GCKR: variants seen among roughly 807,000 people sequenced by gnomAD.
The protein encoded by GCKR is glucokinase regulatory protein.
GCKR carries 73 observed loss-of-function variants against 82.9 expected under a neutral mutation model. The ratio of observed to expected loss-of-function variants is 0.88; its 90% CI spans 0.73 to 1.07. The LOEUF (loss-of-function observed/expected upper bound fraction) is 1.07. GCKR is among the 50% of genes least tolerant of loss of function. GCKR has a pLI of 0.00. For missense variants in GCKR, 784 were observed against 782.1 expected (o/e 1.00, Z -0.03); for synonymous variants, 294 against 291.8 (o/e 1.01, Z -0.08).
At chr2:27,497,199 G>A in intron 1 of GCKR, 45 bp from the exon 2 acceptor site, 1 of 1,611,994 alleles carries the variant, frequency 6.2e-7, no homozygotes, top group Non-Finnish European at 8.5e-7. Flanking sequence ...AGGCATGAAT[G>A]AGGCTTTGGC....
chr2:27,499,599 C>G, intron 7 of GCKR, 149 bp downstream of exon 7: 1 of 748,032 alleles, frequency 1.3e-6, no homozygotes, highest in Admixed American at 1.9e-5. Context: ...TAACTTGGAT[C>G]AAGTTGTGTG....
chr2:27,521,222 A>G (rs74928908), intron 17 of GCKR, among the ~76,000 whole-genome samples: 22,326 of 152,058 alleles, frequency 0.15, 1,825 homozygotes, highest in East Asian at 0.34. Flanking sequence ...TAAATAAAAT[A>G]TATTATTAAA....
At position 27,515,936 on chromosome 2, in the gene GCKR, C is replaced by CA. The variant is rs200457988; in HGVS notation, c.1423-2848dup. Among the ~76,000 whole-genome samples the CA allele has an allele frequency of 2.8e-4, 38 of 137,746 alleles. No homozygotes were observed. In the South Asian group the frequency reaches 7.7e-3, roughly 28 times the overall value. 90.4% of individuals were successfully genotyped at this position (137,746 alleles called of 152,430 possible). A position where few individuals can be genotyped will look rare whatever the true frequency, so the allele number is the denominator to read the frequency against. On this transcript the variant is annotated intron_variant, in intron 16 of 18. Coordinates refer to ENST00000264717, the MANE Select transcript of GCKR (RefSeq NM_001486.4). ...ATGCCACCATGCCTGGCTAATTAAA[C>CA]AAAATTTTTTTTTTTTTTTTTGTAG...
chr2:27,517,317 T>C (rs1370123377), intron 16 of GCKR, among the ~76,000 whole-genome samples: 1 of 152,144 alleles, frequency 6.6e-6, no homozygotes, highest in African/African-American at 2.4e-5. Context: ...GGGTGATTTA[T>C]AAAGGAAAGA....
At chr2:27,498,379 G>A in intron 4 of GCKR, 56 bp downstream of exon 4, 1 of 1,326,708 alleles carries the variant, frequency 7.5e-7, no homozygotes, top group Non-Finnish European at 1.1e-6. Context: ...GTGACCCTCA[G>A]GACCATAAAG....
At chr2:27,515,582 C>T (rs1669982295) in intron 16 of GCKR, among the ~76,000 whole-genome samples, 1 of 152,068 alleles carries the variant, frequency 6.6e-6, no homozygotes, top group Non-Finnish European at 1.5e-5. Flanking sequence ...TTTCTAACAT[C>T]TAAATTGTAA....
chr2:27,504,951 C>T (rs1255718057), intron 9 of GCKR, among the ~76,000 whole-genome samples: 2 of 151,706 alleles, frequency 1.3e-5, no homozygotes, highest in Non-Finnish European at 2.9e-5. Flanking sequence ...CATGGTGAAA[C>T]CACGTCTCTA....
At chr2:27,517,013 C>CTTTTTTT (rs10549495) in intron 16 of GCKR, among the ~76,000 whole-genome samples, 1 of 135,100 alleles carries the variant, frequency 7.4e-6, no homozygotes, top group African/African-American at 2.7e-5. Flanking sequence ...GTATTAGTAC[C>CTTTTTTT]TTTTTTTTTT....
chr2:27,512,235 CAAAAA>C lies in GCKR; in HGVS notation c.1422+4001_1422+4005del, dbSNP rs60079696. ...GCCTGGGCGACACAAGACTCCATCTCAAAAAAAAAAAAAAAAAAAAAGCCGGGCGT... is the reference window on the plus strand; with the variant it reads ...GCCTGGGCGACACAAGACTCCATCTCAAAAAAAAAAAAAAAAGCCGGGCGT... On this transcript the variant is annotated intron_variant, in intron 16 of 18. Transcript: ENST00000264717. Among the ~76,000 whole-genome samples the C allele has an allele frequency of 3.5e-4, 16 of 46,218 alleles. No homozygotes were observed. In the South Asian group the frequency reaches 0.019, roughly 54 times the overall value. The allele number at this position is 46,218 out of a possible 152,430, so 30.3% of individuals were successfully genotyped here.
chr2:27,498,175 T>C, intron 3 of GCKR, 80 bp from the exon 4 acceptor site: 1 of 1,076,096 alleles, frequency 9.3e-7, no homozygotes, highest in Non-Finnish European at 1.4e-6. Flanking sequence ...CAATTCCTCT[T>C]GCATTACTGA....
Position 27,523,405 on chromosome 2 carries a change from AC to A in GCKR, c.1849del (p.Leu617SerfsTer4). 1 of 1,609,012 alleles carries A rather than the reference AC, an allele frequency of 6.2e-7. No homozygotes were observed. On this transcript the variant is annotated frameshift_variant, in exon 19 of 19. Transcript: ENST00000264717. LOFTEE classifies it high-confidence loss of function. ...GGGCCAGGTCAGAAGCGCACTGCGG[AC>A]CCCCTCGAGATCCTAGAGCCTGACG... Reference protein sequence around the residue: ...LAGPGQKRTADPLEILEPDVQ With the variant: ...LAGPGQKRTAXPLEILEPDVQ
chr2:27,501,988 G>A (rs1669594504), intron 8 of GCKR, among the ~76,000 whole-genome samples: 1 of 152,200 alleles, frequency 6.6e-6, no homozygotes, highest in Non-Finnish European at 1.5e-5. Flanking sequence ...AGATTCTGAT[G>A]CACAGCCAGG....
intron 9 of GCKR, among the ~76,000 whole-genome samples, chr2:27,504,697 G>A (rs904766303): frequency 6.6e-6 from 1 of 152,072 alleles, no homozygotes; most frequent in East Asian, 1.9e-4. Context: ...TTGTCTGTCT[G>A]GTGTGCTGTG....
chr2:27,507,883 C>T lies in GCKR; in HGVS notation c.1241-94C>T, dbSNP rs148684429. The T allele has an allele frequency of 2.2e-4, 246 of 1,126,750 alleles. 1 individual carries two copies. The East Asian group carries it at 5.1e-3, about 23-fold the overall frequency. The allele number at this position is 1,126,750 out of a possible 1,614,324, so 69.8% of individuals were successfully genotyped here. ...TAGGGTACCTGCTCAGAGGGAGGGA[C>T]GGGGTGAATATCCTGACTGGACCCC... On this transcript the variant is annotated intron_variant, in intron 14 of 18. Coordinates refer to ENST00000264717, the MANE Select transcript of GCKR (RefSeq NM_001486.4).
intron 16 of GCKR, among the ~76,000 whole-genome samples, chr2:27,509,056 G>T (rs980192112): frequency 6.6e-6 from 1 of 152,052 alleles, no homozygotes; most frequent in Non-Finnish European, 1.5e-5. Flanking sequence ...TCTGGATGCC[G>T]GTCTAGCTCT....
chr2:27,518,636 C>A, intron 16 of GCKR, 152 bp from the exon 17 acceptor site: 2 of 734,696 alleles, frequency 2.7e-6, no homozygotes, highest in Non-Finnish European at 4.9e-6. Context: ...ATTGCCCTAA[C>A]ATTTAAACGC....
intron 8 of GCKR, chr2:27,501,797 C>T (rs1669587150): frequency 2.1e-6 from 1 of 470,964 alleles, no homozygotes; most frequent in Non-Finnish European, 4.4e-6. Flanking sequence ...TCAGTGGTCA[C>T]TCTTATTTCA....
chr2:27,498,373 C>A (rs754137126), intron 4 of GCKR, 50 bp downstream of exon 4: 5 of 1,355,270 alleles, frequency 3.7e-6, no homozygotes, highest in Admixed American at 3.4e-5. Flanking sequence ...CTGGAGGTGA[C>A]CCTCAGGACC....
rs376157442 is a variant in GCKR at position 27,506,880 on chromosome 2, G to C, written c.1061G>C (p.Gly354Ala). Residue 354 changes from glycine to alanine, a missense_variant, in exon 12 of 19, where the codon GGT becomes GCT. Gly to Ala is a moderately conservative substitution (Grantham distance 60). Coordinates refer to ENST00000264717, the MANE Select transcript of GCKR (RefSeq NM_001486.4). Reference protein sequence around the residue: ...MDGVECIHTFGADFRDVRGFL... With the variant: ...MDGVECIHTFAADFRDVRGFL... ...GGAGTAGAGTGCATCCACACCTTTG[G>C]TGCTGGTGGGACCCCAGTCCAGATG... 6.3e-7 allele frequency: 1 copy of C among 1,594,326 alleles called. No homozygotes were observed. The highest frequency in any genetic ancestry group is 2.2e-5 in the East Asian group (1 of 44,766).
Sources: gnomAD v4.1 joint callset for allele counts (sites outside exome capture counted in the v4.1 genomes callset) on GRCh38, gnomAD v4.1.1 for gene constraint, MANE v1.5 for transcripts, NCBI Gene and HGNC (gene_info 2026-07-23, HGNC 2026-07-21) for gene names.